The following ZDHHC14 variants were observed in gnomAD, a reference collection of about 807,000 sequenced individuals.
The protein encoded by ZDHHC14 is zDHHC palmitoyltransferase 14.
ZDHHC14 carries 16 observed loss-of-function variants against 47.7 expected under a neutral mutation model. The ratio of observed to expected loss-of-function variants is 0.34; its 90% CI spans 0.23 to 0.51. The LOEUF (loss-of-function observed/expected upper bound fraction) is 0.51. ZDHHC14 is among the 20% of genes least tolerant of loss of function. The pLI, the probability that ZDHHC14 is intolerant of heterozygous loss-of-function variation, is 0.97. For synonymous variants in ZDHHC14, 293 were observed against 278.9 expected (o/e 1.05, Z -0.50); for missense variants, 515 against 662.5 (o/e 0.78, Z 2.44).
chr6:157,406,708 A>T (rs1355925101), intron 1 of ZDHHC14, among the ~76,000 whole-genome samples: 2 of 152,218 alleles, frequency 1.3e-5, no homozygotes, highest in Non-Finnish European at 2.9e-5. Context: ...CAAACTAAGG[A>T]TCTAATTCCA....
intron 1 of ZDHHC14, among the ~76,000 whole-genome samples, chr6:157,516,532 G>A (rs1047829223): frequency 3.9e-5 from 6 of 152,190 alleles, no homozygotes; most frequent in African/African-American, 1.2e-4. Flanking sequence ...TCTCCTGCAC[G>A]TAGTTGAGTG....
In ZDHHC14 at chr6:157,579,190, G is replaced by GTTTT. The variant is rs1187065924; in HGVS notation, c.407-13775_407-13772dup. 1.6e-3 allele frequency among the ~76,000 whole-genome samples: 105 copies of GTTTT among 63,944 alleles called. 21 individuals carry two copies. Among genetic ancestry groups the GTTTT allele is most frequent in the Non-Finnish European group, 2.3e-3 (77 of 33,336 alleles). The allele number at this position is 63,944 out of a possible 152,430, so 41.9% of individuals were successfully genotyped here. On this transcript the variant is annotated intron_variant, in intron 2 of 8. Transcript: ENST00000359775. ...GCCATTTTAATGATATTGATTCTGT[G>GTTTT]TTTTTTTTTTTTTTTTTTTTTTTTT...
chr6:157,419,453 C>A (rs1004113911), intron 1 of ZDHHC14, among the ~76,000 whole-genome samples: 5 of 152,162 alleles, frequency 3.3e-5, no homozygotes, highest in Non-Finnish European at 5.9e-5. Context: ...CTTGTAAATT[C>A]CCCATACACC....
chr6:157,451,814 C>T (rs918848326), intron 1 of ZDHHC14, among the ~76,000 whole-genome samples: 2 of 152,198 alleles, frequency 1.3e-5, no homozygotes, highest in Non-Finnish European at 2.9e-5. Flanking sequence ...CCCACCTCAG[C>T]CTCCCAAAGT....
chr6:157,658,633 G>T (rs141983711), intron 8 of ZDHHC14, among the ~76,000 whole-genome samples: 1 of 152,132 alleles, frequency 6.6e-6, no homozygotes, highest in African/African-American at 2.4e-5. Flanking sequence ...TTTCTTATTT[G>T]TCTCCTATTT....
chr6:157,431,970 C>A (rs995761020), intron 1 of ZDHHC14, among the ~76,000 whole-genome samples: 1 of 152,218 alleles, frequency 6.6e-6, no homozygotes, highest in Admixed American at 6.5e-5. Flanking sequence ...CTCAAACGAT[C>A]CACCTGCCTC....
chr6:157,580,373 C>T (rs1184791298), intron 2 of ZDHHC14, among the ~76,000 whole-genome samples: 3 of 151,968 alleles, frequency 2.0e-5, no homozygotes. Context: ...TTTGTTGCAT[C>T]TCTGCCTGGT....
chr6:157,564,883 G>A (rs759574366), intron 2 of ZDHHC14, among the ~76,000 whole-genome samples: 1 of 152,176 alleles, frequency 6.6e-6, no homozygotes. Context: ...GGGCAGGAGG[G>A]GTGAAATTAT....
At chr6:157,666,055 C>A (rs964188174) in intron 8 of ZDHHC14, among the ~76,000 whole-genome samples, 2 of 152,190 alleles carry the variant, frequency 1.3e-5, no homozygotes, top group African/African-American at 4.8e-5. Flanking sequence ...CTATCTAGAA[C>A]AATGTATATG....
At chr6:157,547,883 G>C (rs900301788) in intron 2 of ZDHHC14, among the ~76,000 whole-genome samples, 3 of 150,422 alleles carry the variant, frequency 2.0e-5, no homozygotes, top group Non-Finnish European at 3.0e-5. Flanking sequence ...GGGTCTTTTT[G>C]TTGGGTTTTT....
chr6:157,397,905 G>A (rs1351877087), intron 1 of ZDHHC14, among the ~76,000 whole-genome samples: 2 of 152,092 alleles, frequency 1.3e-5, no homozygotes, highest in African/African-American at 4.8e-5. Flanking sequence ...AGATGGGTCC[G>A]CCACCCAGCA....
At chr6:157,382,296 C>T (rs374440174) in intron 1 of ZDHHC14, 30 bp downstream of exon 1, 6 of 1,609,446 alleles carry the variant, frequency 3.7e-6, no homozygotes, top group South Asian at 3.3e-5. Flanking sequence ...CCCCCGACGC[C>T]GCACTCCCCT....
chr6:157,624,488 C>A (rs1010025599), intron 3 of ZDHHC14, among the ~76,000 whole-genome samples: 1 of 152,240 alleles, frequency 6.6e-6, no homozygotes, highest in Admixed American at 6.5e-5. Flanking sequence ...ATTGTGTCCT[C>A]ACCAAATAAC....
chr6:157,584,932 C>T (rs994520486), intron 2 of ZDHHC14, among the ~76,000 whole-genome samples: 4 of 152,210 alleles, frequency 2.6e-5, no homozygotes, highest in East Asian at 1.9e-4. Context: ...GGGATGGGCA[C>T]GGTGGCTCAT....
At chr6:157,418,795 A>C (rs896719367) in intron 1 of ZDHHC14, among the ~76,000 whole-genome samples, 1 of 152,206 alleles carries the variant, frequency 6.6e-6, no homozygotes, top group African/African-American at 2.4e-5. Context: ...AAATAGACCC[A>C]TCTCCAAATC....
At chr6:157,524,899 G>A (rs1373503384) in intron 1 of ZDHHC14, among the ~76,000 whole-genome samples, 2 of 152,222 alleles carry the variant, frequency 1.3e-5, no homozygotes, top group African/African-American at 4.8e-5. Flanking sequence ...GTGAGCTATT[G>A]CTGTGTAACA....
At chr6:157,474,870 ATTGT>A (rs1194949133) in intron 1 of ZDHHC14, among the ~76,000 whole-genome samples, 1 of 151,880 alleles carries the variant, frequency 6.6e-6, no homozygotes, top group Non-Finnish European at 1.5e-5. Context: ...CACTCTATTG[ATTGT>A]TTCTTTTGCT....
At chr6:157,572,933 T>C (rs976004878) in intron 2 of ZDHHC14, among the ~76,000 whole-genome samples, 1 of 152,048 alleles carries the variant, frequency 6.6e-6, no homozygotes, top group East Asian at 1.9e-4. Flanking sequence ...CCCTAAGTAG[T>C]CAGGTTCTCT....
In ZDHHC14 at chr6:157,452,246, A is replaced by ATTT. The variant is rs35501167; in HGVS notation, c.245+69991_245+69993dup. Among the ~76,000 whole-genome samples the ATTT allele has an allele frequency of 5.2e-3, 786 of 150,028 alleles. 9 individuals are homozygous for ATTT. Among genetic ancestry groups the ATTT allele is most frequent in the African/African-American group, 0.017 (703 of 40,646 alleles). On this transcript the variant is annotated intron_variant, in intron 1 of 8. Transcript: ENST00000359775. Reference sequence around the variant, plus strand: ...CTCCTAATTTCCTAAAGTACCTAGTATTTTTTTTTTTTTATAACTAGACTC... The same window carrying ATTT: ...CTCCTAATTTCCTAAAGTACCTAGTATTTTTTTTTTTTTTTTATAACTAGACTC...
Sources: gnomAD v4.1 joint callset for allele counts (sites outside exome capture counted in the v4.1 genomes callset) on GRCh38, gnomAD v4.1.1 for gene constraint, MANE v1.5 for transcripts, NCBI Gene and HGNC (gene_info 2026-07-23, HGNC 2026-07-21) for gene names.